SMOC2: variants seen among roughly 807,000 people sequenced by gnomAD.
The protein encoded by SMOC2 is SPARC-related modular calcium-binding protein 2.
Under a neutral mutation model 61.4 loss-of-function variants are expected in SMOC2, and 39 were observed. That is an observed-to-expected ratio of 0.64 (90% CI 0.49 to 0.83). SMOC2 has a LOEUF of 0.83. Ranked by LOEUF, SMOC2 falls within the 40% of genes least tolerant of loss-of-function variation. SMOC2 has a pLI of 0.00. For missense variants in SMOC2, 556 were observed against 592.9 expected (o/e 0.94, Z 0.65); for synonymous variants, 247 against 239.9 (o/e 1.03, Z -0.27).
rs62636134 is a variant in SMOC2, at chr6:168,599,536, C to A, written c.824+532C>A. Among the ~76,000 whole-genome samples, 404 of 69,450 alleles carry A rather than the reference C, an allele frequency of 5.8e-3. 16 individuals carry two copies. The highest frequency in any genetic ancestry group is 0.025 in the African/African-American group (374 of 14,962). 45.6% of individuals were successfully genotyped at this position (69,450 alleles called of 152,430 possible). On this transcript the variant is annotated intron_variant, in intron 8 of 12. Coordinates refer to ENST00000356284, the MANE Select transcript of SMOC2 (RefSeq NM_001166412.2). Reference sequence around the variant, plus strand: ...CACACACACTCATACCCCCACACACCCACTCACACACACTCATACCCCCAT... The same window carrying A: ...CACACACACTCATACCCCCACACACACACTCACACACACTCATACCCCCAT...
intron 1 of SMOC2, among the ~76,000 whole-genome samples, chr6:168,488,451 A>G (rs1782386141): frequency 6.6e-6 from 1 of 152,240 alleles, no homozygotes; most frequent in Non-Finnish European, 1.5e-5. Context: ...GGTGTGAGAT[A>G]GTCTGTCACA....
At chr6:168,557,542 G>A (rs776425757) in intron 7 of SMOC2, among the ~76,000 whole-genome samples, 22 of 152,148 alleles carry the variant, frequency 1.4e-4, no homozygotes, top group Non-Finnish European at 2.9e-4. Flanking sequence ...TGTACACGCA[G>A]GCCTTGAGCT....
intron 1 of SMOC2, among the ~76,000 whole-genome samples, chr6:168,462,555 G>C (rs991615566): frequency 6.6e-6 from 1 of 152,152 alleles, no homozygotes; most frequent in Non-Finnish European, 1.5e-5. Context: ...CCTCGTCTCT[G>C]TGGTGCTGGA....
chr6:168,544,534 A>C lies in SMOC2; in HGVS notation c.511+862A>C, dbSNP rs1466094754. Among the ~76,000 whole-genome samples the C allele has an allele frequency of 6.6e-6, 1 of 152,098 alleles. No homozygotes were observed. The highest frequency in any genetic ancestry group is 2.4e-5 in the African/African-American group (1 of 41,434). On this transcript the variant is annotated intron_variant, in intron 5 of 12. Transcript: ENST00000356284. This position sits in a 1 kb window ranked among gnomAD's most constrained non-coding sequence, Gnocchi z 4.1. Reference sequence around the variant, plus strand: ...CTAAAAAGACAAAAATTAACCAGGCATGGTGGTGCATGCCTGTAATCCCAG... The same window carrying C: ...CTAAAAAGACAAAAATTAACCAGGCCTGGTGGTGCATGCCTGTAATCCCAG...
At chr6:168,556,212 G>A (rs566890056) in intron 7 of SMOC2, among the ~76,000 whole-genome samples, 30 of 152,316 alleles carry the variant, frequency 2.0e-4, no homozygotes, top group African/African-American at 7.0e-4. Context: ...GAGGGCGTCC[G>A]TGGCCTCTCC....
chr6:168,537,740 C>T (rs1200607348), intron 4 of SMOC2, among the ~76,000 whole-genome samples: 3 of 152,292 alleles, frequency 2.0e-5, no homozygotes, highest in East Asian at 3.9e-4. Flanking sequence ...CTCCCTGCCA[C>T]GGCCAGTCTT....
chr6:168,599,033 G>T (rs756796706), intron 8 of SMOC2, 29 bp downstream of exon 8: 8 of 1,542,628 alleles, frequency 5.2e-6, no homozygotes. Flanking sequence ...CCCCCCCCGG[G>T]ACCATGGGAG....
rs144317852 is a variant in SMOC2, at chr6:168,511,811, G to GTTTTTTT, written c.256+1727_256+1728insTTTTTTT. 8.7e-4 allele frequency among the ~76,000 whole-genome samples: 114 copies of GTTTTTTT among 130,704 alleles called. 16 individuals carry two copies. Among genetic ancestry groups the GTTTTTTT allele is most frequent in the Middle Eastern group, 4.6e-3 (1 of 216 alleles). 85.7% of individuals were successfully genotyped at this position (130,704 alleles called of 152,430 possible). ...GACAAATGGCTATTCATTATCAAGG[G>GTTTTTTT]TTGTTTTTTTTTTTTTTTCTGAAAT... On this transcript the variant is annotated intron_variant, in intron 2 of 12. Coordinates refer to ENST00000356284, the MANE Select transcript of SMOC2 (RefSeq NM_001166412.2).
chr6:168,599,650 T>TG (rs1785477034), intron 8 of SMOC2, among the ~76,000 whole-genome samples: 1 of 50,364 alleles, frequency 2.0e-5, no homozygotes, highest in South Asian at 7.0e-4. Context: ...CCACACACAC[T>TG]CATACCCACA....
intron 9 of SMOC2, among the ~76,000 whole-genome samples, chr6:168,637,937 G>A (rs978899366): frequency 6.6e-6 from 1 of 152,122 alleles, no homozygotes; most frequent in African/African-American, 2.4e-5. Context: ...ATGCTGAGCT[G>A]GAGCTGGATG....
At position 168,549,220 on chromosome 6, in the gene SMOC2, T is replaced by C; in HGVS notation, c.637+17T>C. On this transcript the variant is annotated intron_variant, in intron 7 of 12. Transcript: ENST00000356284. Reference sequence around the variant, plus strand: ...AGAATTCAGGTAAGATGCTGCCTGATGTCACTTTGTAAGGAGTGATTTAAT... The same window carrying C: ...AGAATTCAGGTAAGATGCTGCCTGACGTCACTTTGTAAGGAGTGATTTAAT... The C allele has an allele frequency of 6.2e-7, 1 of 1,609,478 alleles. No homozygotes were observed. The highest frequency in any genetic ancestry group is 8.5e-7 in the Non-Finnish European group (1 of 1,175,742).
Position 168,576,624 on chromosome 6 carries a change from C to T in SMOC2, c.638-22194C>T, listed in dbSNP as rs533406678. ...GCATCACAGGCAAACCGGCGGGCCT[C>T]GCTCCATGGAACCCCCAACCACAAG... On this transcript the variant is annotated intron_variant, in intron 7 of 12. Transcript: ENST00000356284. Among the ~76,000 whole-genome samples the T allele has an allele frequency of 3.7e-4, 57 of 152,128 alleles. No individual in the cohort carries two copies. In the South Asian group the frequency reaches 8.7e-3, roughly 23 times the overall value.
intron 1 of SMOC2, among the ~76,000 whole-genome samples, chr6:168,491,908 C>T (rs975816221): frequency 3.3e-5 from 5 of 152,212 alleles, no homozygotes; most frequent in Non-Finnish European, 7.3e-5. Context: ...TCGCTAACTA[C>T]ATCGAAATAT....
At chr6:168,627,677 G>A (rs569484586) in intron 9 of SMOC2, among the ~76,000 whole-genome samples, 10 of 152,242 alleles carry the variant, frequency 6.6e-5, no homozygotes, top group African/African-American at 1.9e-4. Context: ...CCTCATCTCA[G>A]GGACAGGCAG....
chr6:168,441,381 C>T lies in SMOC2; in HGVS notation c.11C>T (p.Pro4Leu), dbSNP rs989391913. The T allele has an allele frequency of 9.3e-6, 14 of 1,507,724 alleles. No individual in the cohort carries two copies. Among genetic ancestry groups the T allele is most frequent in the Admixed American group, 2.1e-5 (1 of 47,848 alleles). The allele number at this position is 1,507,724 out of a possible 1,614,324, so 93.4% of individuals were successfully genotyped here. MLL[P>L]QLCWLPLLAG... ...GCCACCTCCGCCACCATGCTGCTCC[C>T]CCAGCTCTGCTGGCTGCCGCTGCTC... The change falls in exon 1 of 13, where the codon CCC (proline) becomes CTC (leucine). Residue 4 changes from proline to leucine, a missense_variant. Pro to Leu is a moderately conservative substitution (Grantham distance 98). Coordinates refer to ENST00000356284, the MANE Select transcript of SMOC2 (RefSeq NM_001166412.2).
At chr6:168,530,256 T>C (rs1783557458) in intron 4 of SMOC2, among the ~76,000 whole-genome samples, 1 of 152,202 alleles carries the variant, frequency 6.6e-6, no homozygotes, top group African/African-American at 2.4e-5. Context: ...GCATGATTCC[T>C]GGAGAGCAGA....
intron 9 of SMOC2, among the ~76,000 whole-genome samples, chr6:168,617,063 G>A (rs1393893510): frequency 1.3e-5 from 2 of 152,190 alleles, no homozygotes; most frequent in East Asian, 3.9e-4. Context: ...GAGCGATATG[G>A]CTACTCTTGC....
intron 12 of SMOC2, 89 bp downstream of exon 12, chr6:168,664,200 G>T (rs767347882): frequency 3.2e-5 from 33 of 1,035,214 alleles, no homozygotes; most frequent in Non-Finnish European, 4.7e-5. Flanking sequence ...GCAATGGCCA[G>T]TACCTTCCAA....
chr6:168,549,075 C>T, intron 6 of SMOC2, 54 bp from the exon 7 acceptor site: 1 of 1,444,652 alleles, frequency 6.9e-7, no homozygotes, highest in South Asian at 1.1e-5. Flanking sequence ...AACTAAGGAA[C>T]ATTGTGCTTT....
Sources: allele counts gnomAD v4.1 joint callset (sites outside exome capture counted in the v4.1 genomes callset), GRCh38; gene constraint gnomAD v4.1.1; non-coding constraint Gnocchi (gnomAD v3.1); transcripts MANE v1.5; gene names NCBI Gene and HGNC (gene_info 2026-07-23, HGNC 2026-07-21).